The following PECAM1 variants were observed in gnomAD, a reference collection of about 807,000 sequenced individuals.
PECAM1 encodes platelet endothelial cell adhesion molecule.
In PECAM1, 8 loss-of-function variants were observed where a neutral mutation model predicts 13.8. The observed-to-expected ratio is 0.58, with a 90% CI of 0.34 to 1.05. The LOEUF (loss-of-function observed/expected upper bound fraction) is 1.05. PECAM1 is among the 50% of genes least tolerant of loss of function. The pLI is 0.03. For missense variants in PECAM1, 304 were observed against 141.2 expected, an observed-to-expected ratio of 2.15 and a Z score of -5.84; for synonymous variants, 136 against 52.6, an observed-to-expected ratio of 2.58 and a Z score of -6.86.
rs1348654776 is a variant in PECAM1 at position 64,323,132 on chromosome 17, G to C, written c.*684C>G. 2.0e-6 allele frequency: 2 copies of C among 985,580 alleles called. No individual in the cohort carries two copies. The highest frequency in any genetic ancestry group is 3.5e-5 in the African/African-American group (2 of 57,258). The allele number at this position is 985,580 out of a possible 1,614,324, so 61.1% of individuals were successfully genotyped here. A position where few individuals can be genotyped will look rare whatever the true frequency, so the allele number is the denominator to read the frequency against. On this transcript the variant is annotated 3_prime_UTR_variant, in exon 16 of 16. Transcript: ENST00000563924. ...GCCTTCAGCATGGTAGAGGAAAAGA[G>C]AAAGAGTGTAGACAAAAACAGTTGA...
rs140975708 is a variant in PECAM1, at chr17:64,384,981, CAG to C, written c.91+5506_91+5507del. Among the ~76,000 whole-genome samples the C allele has an allele frequency of 8.3e-3, 1,268 of 152,326 alleles. 25 individuals are homozygous for C. The highest frequency in any genetic ancestry group is 0.028 in the African/African-American group (1,180 of 41,570). The stretch of plus-strand genomic sequence containing the variant: ...CTGCCTGTAGGTCTCACTATTTACA[CAG>C]AGTGACTGTTCACAACCTGGGGGAC... On this transcript the variant is annotated intron_variant, in intron 2 of 15. Coordinates refer to ENST00000563924, the MANE Select transcript of PECAM1 (RefSeq NM_000442.5).
At position 64,390,706 on chromosome 17, in the gene PECAM1, G is replaced by C. The variant is rs1032184513; in HGVS notation, c.-41C>G. The C allele has an allele frequency of 2.3e-6, 1 of 435,512 alleles. No homozygotes were observed. The highest frequency in any genetic ancestry group is 2.0e-5 in the African/African-American group (1 of 49,600). 27.0% of individuals were successfully genotyped at this position (435,512 alleles called of 1,614,324 possible). A position where few individuals can be genotyped will look rare whatever the true frequency, so the allele number is the denominator to read the frequency against. On this transcript the variant is annotated 5_prime_UTR_variant, in exon 1 of 16. Coordinates refer to ENST00000563924, the MANE Select transcript of PECAM1 (RefSeq NM_000442.5). ...TGCAGGCACAGTTAGTTCTGCCTTC[G>C]GGCCATGACTCGCTCAGCAGAAGGC...
Position 64,371,416 on chromosome 17 carries a change from A to C in PECAM1, c.692-1391T>G, listed in dbSNP as rs1043546029. Among the ~76,000 whole-genome samples the C allele has an allele frequency of 9.9e-5, 15 of 152,216 alleles. 1 individual carries two copies. Among genetic ancestry groups the C allele is most frequent in the Non-Finnish European group, 1.5e-4 (10 of 68,044 alleles). On this transcript the variant is annotated intron_variant, in intron 4 of 15. Coordinates refer to ENST00000563924, the MANE Select transcript of PECAM1 (RefSeq NM_000442.5). ...GCTAGGGGCGGTGGCTCACGCCTGCAACTCCAGCACTTTGGGAGGCTGAGG... is the reference window on the plus strand; with the variant it reads ...GCTAGGGGCGGTGGCTCACGCCTGCCACTCCAGCACTTTGGGAGGCTGAGG...
At chr17:64,387,322 G>A (rs1319613178) in intron 2 of PECAM1, among the ~76,000 whole-genome samples, 3 of 152,174 alleles carry the variant, frequency 2.0e-5, no homozygotes, top group South Asian at 2.1e-4. Flanking sequence ...GAGGCGAGGC[G>A]TGTCTGAGAG....
rs1217327576 is a variant in PECAM1 at position 64,322,802 on chromosome 17, G to A, written c.*1014C>T. 11 of 549,630 alleles carry A rather than the reference G, an allele frequency of 2.0e-5. No homozygotes were observed. Among genetic ancestry groups the A allele is most frequent in the Non-Finnish European group, 2.3e-5 (10 of 431,856 alleles). The allele number at this position is 549,630 out of a possible 1,614,324, so 34.0% of individuals were successfully genotyped here. ...GCGATCTCCGCTCACTACAACCTCC[G>A]TTTCCTGGGTTCAAGCGATAATCTC... On this transcript the variant is annotated 3_prime_UTR_variant, in exon 16 of 16. Coordinates refer to ENST00000563924, the MANE Select transcript of PECAM1 (RefSeq NM_000442.5).
intron 13 of PECAM1, among the ~76,000 whole-genome samples, chr17:64,347,932 TG>T (rs2035621348): frequency 6.6e-6 from 1 of 151,842 alleles, no homozygotes; most frequent in Non-Finnish European, 1.5e-5. Context: ...GGTTTTATCA[TG>T]TTGGTCAGGC....
At chr17:64,333,024 A>G (rs2018811) in intron 14 of PECAM1, among the ~76,000 whole-genome samples, 33,776 of 152,080 alleles carry the variant, frequency 0.22, 4,475 homozygotes, top group African/African-American at 0.37. Flanking sequence ...GTGGTGGTGC[A>G]TGCCTCCAAT....
intron 2 of PECAM1, among the ~76,000 whole-genome samples, chr17:64,387,151 C>A (rs1484187794): frequency 6.6e-6 from 1 of 152,034 alleles, no homozygotes; most frequent in Non-Finnish European, 1.5e-5. Context: ...GGTCAAGGAG[C>A]GAGGCTTTGG....
chr17:64,368,967 C>T (rs1302666320), intron 5 of PECAM1, among the ~76,000 whole-genome samples: 6 of 93,962 alleles, frequency 6.4e-5, no homozygotes, highest in African/African-American at 2.1e-4. Context: ...GACAGAGTCT[C>T]ACTCTGTGGC....
chr17:64,322,719 T>G lies in PECAM1; in HGVS notation c.*1097A>C. ...ACCACTTCTTTAGCAAGCAATTTTG[T>G]TTTTTGTTTTTTTTGAGATGGATTC... On this transcript the variant is annotated 3_prime_UTR_variant, in exon 16 of 16. Transcript: ENST00000563924. 1.1e-6 allele frequency: 1 copy of G among 938,986 alleles called. No homozygotes were observed. Among genetic ancestry groups the G allele is most frequent in the Non-Finnish European group, 1.2e-6 (1 of 806,828 alleles). The allele number at this position is 938,986 out of a possible 1,614,324, so 58.2% of individuals were successfully genotyped here.
chr17:64,369,031 G>A (rs2036178555), intron 5 of PECAM1, among the ~76,000 whole-genome samples: 1 of 143,242 alleles, frequency 7.0e-6, no homozygotes, highest in African/African-American at 2.7e-5. Flanking sequence ...CTGCCTCCCG[G>A]GTTCAAGAGA....
intron 4 of PECAM1, chr17:64,370,558 T>C (rs2036216780): frequency 6.6e-6 from 1 of 152,248 alleles, no homozygotes; most frequent in African/African-American, 2.4e-5. Context: ...ACTGATTTCA[T>C]GACTCATGCA....
chr17:64,332,793 C>T (rs929483679), intron 14 of PECAM1, among the ~76,000 whole-genome samples: 12 of 152,208 alleles, frequency 7.9e-5, no homozygotes, highest in African/African-American at 2.9e-4. Flanking sequence ...GCAGGGGATG[C>T]GGTGAGGACC....
intron 14 of PECAM1, among the ~76,000 whole-genome samples, chr17:64,336,216 C>T (rs1339140668): frequency 2.0e-5 from 3 of 150,646 alleles, no homozygotes; most frequent in Non-Finnish European, 4.4e-5. Flanking sequence ...CAGTGAGCTG[C>T]GATCGCGCCA....
intron 14 of PECAM1, among the ~76,000 whole-genome samples, chr17:64,338,847 C>G (rs1187866407): frequency 6.6e-6 from 1 of 152,224 alleles, no homozygotes; most frequent in Non-Finnish European, 1.5e-5. Flanking sequence ...GCGTGAGCCA[C>G]TGCGATCAGC....
intron 8 of PECAM1, among the ~76,000 whole-genome samples, chr17:64,355,585 G>A (rs1471723664): frequency 2.6e-5 from 4 of 152,090 alleles, no homozygotes; most frequent in Non-Finnish European, 5.9e-5. Context: ...TCAGCCTCCC[G>A]AGTAGCTGGG....
chr17:64,349,002 A>T (rs2035649481), intron 12 of PECAM1, among the ~76,000 whole-genome samples: 1 of 152,118 alleles, frequency 6.6e-6, no homozygotes, highest in African/African-American at 2.4e-5. Context: ...CAGCCCCAGC[A>T]GTTCTCCCAA....
At chr17:64,385,572 CAAT>C (rs1450362505) in intron 2 of PECAM1, among the ~76,000 whole-genome samples, 1 of 152,182 alleles carries the variant, frequency 6.6e-6, no homozygotes, top group Non-Finnish European at 1.5e-5. Flanking sequence ...AGTTCCCATC[CAAT>C]GAGACATGTG....
chr17:64,331,145 T>C (rs62071612), intron 14 of PECAM1, among the ~76,000 whole-genome samples: 9,837 of 151,950 alleles, frequency 0.065, 369 homozygotes, highest in Middle Eastern at 0.09. Context: ...GGGCAACTGT[T>C]TCCCCTTCCC....
Sources: allele counts gnomAD v4.1 joint callset (sites outside exome capture counted in the v4.1 genomes callset), GRCh38; gene constraint gnomAD v4.1.1; transcripts MANE v1.5; gene names NCBI Gene and HGNC (gene_info 2026-07-23, HGNC 2026-07-21).